The following PCDHA1 variants were observed in gnomAD, a reference collection of about 807,000 sequenced individuals.
PCDHA1 encodes protocadherin alpha 1, also known as protocadherin alpha-1.
In PCDHA1, 42 loss-of-function variants were observed where a neutral mutation model predicts 61.3. The ratio of observed to expected loss-of-function variants is 0.69; its 90% CI spans 0.54 to 0.89. The LOEUF (loss-of-function observed/expected upper bound fraction) is 0.89, where lower values mean the gene tolerates loss of function less well. Ranked by LOEUF, PCDHA1 falls within the 40% of genes least tolerant of loss-of-function variation. The probability of loss-of-function intolerance (pLI) is 0.00; values close to 1 mark genes in which losing one functional copy is unlikely to be tolerated. For missense variants in PCDHA1, 1,256 were observed against 1,235.3 expected (o/e 1.02, Z -0.25); for synonymous variants, 610 against 553.8 (o/e 1.10, Z -1.43).
Position 140,890,802 on chromosome 5 carries a change from A to G in PCDHA1, c.2395-88147A>G, listed in dbSNP as rs1401387956. On this transcript the variant is annotated intron_variant, in intron 1 of 3. Transcript: ENST00000504120. The stretch of plus-strand genomic sequence containing the variant: ...TAAGATATTAGTATTATTTTATACA[A>G]TCAACATTGTTTTAAATGTACTTAC... 5.3e-5 allele frequency among the ~76,000 whole-genome samples: 8 copies of G among 152,310 alleles called. 1 individual carries two copies. Among genetic ancestry groups the G allele is most frequent in the Admixed American group, 4.6e-4 (7 of 15,296 alleles).
intron 1 of PCDHA1, among the ~76,000 whole-genome samples, chr5:140,919,272 T>C (rs1287919874): frequency 6.6e-6 from 1 of 152,258 alleles, no homozygotes; most frequent in Non-Finnish European, 1.5e-5. Context: ...GTGTAGTCAC[T>C]CCAGCTATCT....
At chr5:140,990,367 A>G (rs1162635749) in intron 3 of PCDHA1, among the ~76,000 whole-genome samples, 1 of 152,104 alleles carries the variant, frequency 6.6e-6, no homozygotes, top group Non-Finnish European at 1.5e-5. Context: ...AATCTAATAA[A>G]GCAAATTTGT....
chr5:140,983,900 G>T (rs1345141422), intron 3 of PCDHA1, among the ~76,000 whole-genome samples: 1 of 152,198 alleles, frequency 6.6e-6, no homozygotes, highest in Admixed American at 6.5e-5. Context: ...GGCATTCGTT[G>T]ATTCTAATCA....
intron 1 of PCDHA1, chr5:140,802,266 T>C: frequency 6.2e-7 from 1 of 1,614,224 alleles, no homozygotes; most frequent in Non-Finnish European, 8.5e-7. Context: ...ATCACTATCT[T>C]TACCTGTATT....
At chr5:140,908,455 AT>A (rs367827339) in intron 1 of PCDHA1, among the ~76,000 whole-genome samples, 51 of 152,296 alleles carry the variant, frequency 3.3e-4, no homozygotes, top group African/African-American at 9.9e-4. Flanking sequence ...GGCTAGATGG[AT>A]CAGAAAGCAC....
chr5:140,876,092 A>C, intron 1 of PCDHA1: 2 of 1,613,948 alleles, frequency 1.2e-6, no homozygotes, highest in Non-Finnish European at 1.7e-6. Context: ...CAAACGCCAA[A>C]ACTCAATTTA....
At position 141,009,850 on chromosome 5, in the gene PCDHA1, CAAGAAAAAG is replaced by C. The variant is rs782749911; in HGVS notation, c.2781_2789del (p.Lys928_Lys930del). 6.2e-6 allele frequency: 10 copies of C among 1,613,454 alleles called. No individual in the cohort carries two copies. The highest frequency in any genetic ancestry group is 1.7e-5 in the Admixed American group (1 of 59,950). ...TAACCTTCGGCAAAAAGGAGGAGAC[CAAGAAAAAG>C]AAGAAAAAGAAGAAGGGTAACAAGA... is the stretch of plus-strand genomic sequence containing the variant. On this transcript the variant is annotated inframe_deletion, in exon 4 of 4. Coordinates refer to ENST00000504120, the MANE Select transcript of PCDHA1 (RefSeq NM_018900.4).
chr5:140,981,755 A>G (rs868964961), intron 2 of PCDHA1, among the ~76,000 whole-genome samples: 12 of 152,222 alleles, frequency 7.9e-5, no homozygotes, highest in Admixed American at 3.3e-4. Context: ...TTAGTATTAG[A>G]CATACATAAA....
At chr5:140,997,374 A>G (rs1296402204) in intron 3 of PCDHA1, among the ~76,000 whole-genome samples, 1 of 152,212 alleles carries the variant, frequency 6.6e-6, no homozygotes, top group Non-Finnish European at 1.5e-5. Flanking sequence ...TAGATGATAT[A>G]GCATACTACA....
Position 140,968,978 on chromosome 5 carries a change from G to T in PCDHA1, c.2395-9971G>T, listed in dbSNP as rs782147151. ...CAAGTGCTACCGCTACACTGCGTATGGCACTGCATGCTGTGGAGGCTTCTG... is the reference window on the plus strand; with the variant it reads ...CAAGTGCTACCGCTACACTGCGTATTGCACTGCATGCTGTGGAGGCTTCTG... On this transcript the variant is annotated intron_variant, in intron 1 of 3. Coordinates refer to ENST00000504120, the MANE Select transcript of PCDHA1 (RefSeq NM_018900.4). The T allele has an allele frequency of 8.7e-6, 14 of 1,614,212 alleles. No homozygotes were observed. Among genetic ancestry groups the T allele is most frequent in the Non-Finnish European group, 1.2e-5 (14 of 1,180,042 alleles).
At chr5:140,823,847 C>T (rs2150129709) in intron 1 of PCDHA1, 852,665 of 1,613,520 alleles carry the variant, frequency 0.53, 225,878 homozygotes, top group Middle Eastern at 0.58. Flanking sequence ...CCCGAGGCTG[C>T]CCTGGTGGAT....
intron 1 of PCDHA1, among the ~76,000 whole-genome samples, chr5:140,915,919 AC>A (rs1449299766): frequency 6.6e-6 from 1 of 152,102 alleles, no homozygotes; most frequent in Non-Finnish European, 1.5e-5. Flanking sequence ...CAGAGATGCT[AC>A]TTGGGAGTCA....
At chr5:140,877,946 C>G in intron 1 of PCDHA1, 1 of 1,349,558 alleles carries the variant, frequency 7.4e-7, no homozygotes, top group South Asian at 1.7e-5. Context: ...TTTAAACTAT[C>G]GAATGTCTCA....
intron 1 of PCDHA1, chr5:140,823,840 G>A (rs17844298): frequency 3.1e-6 from 5 of 1,613,722 alleles, no homozygotes; most frequent in South Asian, 2.2e-5. Flanking sequence ...TGTGGGTCCC[G>A]AGGCTGCCCT....
At chr5:140,875,457 G>T in intron 1 of PCDHA1, 3 of 1,595,968 alleles carry the variant, frequency 1.9e-6, no homozygotes, top group Non-Finnish European at 2.6e-6. Flanking sequence ...CAACTCAGAG[G>T]CCCTCATTTT....
Position 140,835,798 on chromosome 5 carries a change from G to C in PCDHA1, c.2394+47114G>C, listed in dbSNP as rs2150245143. 6.8e-6 allele frequency: 11 copies of C among 1,612,744 alleles called. No individual in the cohort carries two copies. Among genetic ancestry groups the C allele is most frequent in the Middle Eastern group, 1.9e-4 (1 of 5,380 alleles). ...GTGAAGGAGAACAACCCGCCGGGCT[G>C]CCACATCTTCACTGTGTCGGCGGGG... On this transcript the variant is annotated intron_variant, in intron 1 of 3. Coordinates refer to ENST00000504120, the MANE Select transcript of PCDHA1 (RefSeq NM_018900.4).
At chr5:140,876,561 T>G in intron 1 of PCDHA1, 2 of 1,614,162 alleles carry the variant, frequency 1.2e-6, no homozygotes, top group Non-Finnish European at 1.7e-6. Flanking sequence ...AAGAGGATGC[T>G]CAGGTGGGTA....
intron 1 of PCDHA1, chr5:140,858,194 T>C: frequency 1.9e-6 from 3 of 1,596,986 alleles, no homozygotes; most frequent in Non-Finnish European, 1.7e-6. Context: ...GCTGCTGCTG[T>C]ACACTGCACT....
At chr5:140,805,847 A>G (rs1763638742) in intron 1 of PCDHA1, among the ~76,000 whole-genome samples, 1 of 152,186 alleles carries the variant, frequency 6.6e-6, no homozygotes, top group African/African-American at 2.4e-5. Context: ...TAGATATGCG[A>G]TCACCTTAAA....
Sources: allele counts gnomAD v4.1 joint callset (sites outside exome capture counted in the v4.1 genomes callset), GRCh38; gene constraint gnomAD v4.1.1; transcripts MANE v1.5; gene names NCBI Gene and HGNC (gene_info 2026-07-23, HGNC 2026-07-21).